Variants in CALN1 observed in about 807,000 individuals in gnomAD.
CALN1 encodes the protein calneuron 1.
In CALN1, 17 loss-of-function variants were observed where a neutral mutation model predicts 30.6. The ratio of observed to expected loss-of-function variants is 0.56; its 90% CI spans 0.38 to 0.83. The LOEUF (loss-of-function observed/expected upper bound fraction) is 0.83, where lower values mean the gene tolerates loss of function less well. Among genes scored for constraint, CALN1 ranks in the 40% least tolerant of loss-of-function variants. The pLI is 0.00. For missense variants in CALN1, 291 were observed against 354.9 expected (o/e 0.82, Z 1.45); for synonymous variants, 156 against 131.4 (o/e 1.19, Z -1.28).
At chr7:72,325,181 C>T (rs1801185055) in intron 2 of CALN1, among the ~76,000 whole-genome samples, 1 of 151,746 alleles carries the variant, frequency 6.6e-6, no homozygotes, top group African/African-American at 2.4e-5. Context: ...AACTTTGGTC[C>T]CAGCTACTCA....
At chr7:72,362,019 G>T (rs1562922135) in intron 2 of CALN1, among the ~76,000 whole-genome samples, 1 of 152,064 alleles carries the variant, frequency 6.6e-6, no homozygotes, top group African/African-American at 2.4e-5. Flanking sequence ...ATAAAAACAG[G>T]AGAGAAAATT....
At chr7:71,799,099 A>G (rs1277479946) in intron 6 of CALN1, among the ~76,000 whole-genome samples, 1 of 152,196 alleles carries the variant, frequency 6.6e-6, no homozygotes, top group Non-Finnish European at 1.5e-5. Context: ...AAATAACTAG[A>G]AGAAGATAAC....
intron 5 of CALN1, among the ~76,000 whole-genome samples, chr7:71,953,371 G>A (rs2129524336): frequency 6.6e-6 from 1 of 152,218 alleles, no homozygotes; most frequent in East Asian, 1.9e-4. Flanking sequence ...TTAAGTAGAT[G>A]CGTATCAACA....
At chr7:71,880,004 C>G (rs973238560) in intron 5 of CALN1, among the ~76,000 whole-genome samples, 4 of 152,116 alleles carry the variant, frequency 2.6e-5, no homozygotes, top group Middle Eastern at 3.2e-3. Context: ...GGCATGGTGG[C>G]TCATGTCTGT....
intron 6 of CALN1, among the ~76,000 whole-genome samples, chr7:71,790,652 C>A (rs1793329069): frequency 6.6e-6 from 1 of 152,258 alleles, no homozygotes; most frequent in African/African-American, 2.4e-5. Context: ...TCCAGAGCAA[C>A]TGGCTGAAAC....
chr7:72,116,874 C>T lies in CALN1; in HGVS notation c.245-10580G>A, dbSNP rs1038642901. 3.9e-5 allele frequency among the ~76,000 whole-genome samples: 6 copies of T among 152,044 alleles called. 1 individual carries two copies. Among genetic ancestry groups the T allele is most frequent in the African/African-American group, 1.2e-4 (5 of 41,376 alleles). On this transcript the variant is annotated intron_variant, in intron 3 of 6. Coordinates refer to ENST00000395275, the MANE Select transcript of CALN1 (RefSeq NM_031468.4). ...TCTCAAGAGGTCCTGAGAAAGTGCCCGAGGTAGTCAAGTTATAGTTTAATT... is the reference window on the plus strand; with the variant it reads ...TCTCAAGAGGTCCTGAGAAAGTGCCTGAGGTAGTCAAGTTATAGTTTAATT...
At chr7:71,994,851 A>ATT (rs564198396) in intron 5 of CALN1, among the ~76,000 whole-genome samples, 164 of 123,144 alleles carry the variant, frequency 1.3e-3, no homozygotes, top group South Asian at 6.6e-3. Context: ...GCCCCTTCCT[A>ATT]TTTTTTTTTT....
intron 5 of CALN1, among the ~76,000 whole-genome samples, chr7:71,923,027 T>TCTATACTATACTATACTATA (rs112246797): frequency 6.7e-6 from 1 of 149,618 alleles, no homozygotes; most frequent in African/African-American, 2.5e-5. Flanking sequence ...ACTATACTAT[T>TCTATACTATACTATACTATA]CTATACTATA....
rs1311916463 is a variant in CALN1, at chr7:71,785,523, G to A, written c.*2252C>T. On this transcript the variant is annotated 3_prime_UTR_variant, in exon 7 of 7. Transcript: ENST00000395275. Reference sequence around the variant, plus strand: ...CTGCAGCATTTCAGTCCCCTCTCATGGAGGAGGGGGCTTTGAAGAATCATC... The same window carrying A: ...CTGCAGCATTTCAGTCCCCTCTCATAGAGGAGGGGGCTTTGAAGAATCATC... 1 of 152,186 alleles carries A rather than the reference G, an allele frequency of 6.6e-6. No individual in the cohort carries two copies. Among genetic ancestry groups the A allele is most frequent in the Non-Finnish European group, 1.5e-5 (1 of 68,032 alleles). 9.4% of individuals were successfully genotyped at this position (152,186 alleles called of 1,614,324 possible). A position where few individuals can be genotyped will look rare whatever the true frequency, so the allele number is the denominator to read the frequency against.
At chr7:72,259,154 A>G (rs996934066) in intron 3 of CALN1, among the ~76,000 whole-genome samples, 1 of 152,008 alleles carries the variant, frequency 6.6e-6, no homozygotes, top group Non-Finnish European at 1.5e-5. Context: ...TAGCTGGAGA[A>G]GCAGTGACTC....
At chr7:72,266,273 T>G (rs1796591135) in intron 3 of CALN1, among the ~76,000 whole-genome samples, 1 of 152,178 alleles carries the variant, frequency 6.6e-6, no homozygotes, top group Non-Finnish European at 1.5e-5. Flanking sequence ...TTTGAAAAAG[T>G]CCACAGAAAT....
chr7:72,278,010 G>GCT (rs1554348531), intron 3 of CALN1, among the ~76,000 whole-genome samples: 1 of 90,432 alleles, frequency 1.1e-5, no homozygotes, highest in Non-Finnish European at 2.0e-5. Flanking sequence ...CTCTATTCCG[G>GCT]GGGGGGGGGA....
chr7:72,421,573 C>CTTTTT (rs772198450), intron 1 of CALN1, among the ~76,000 whole-genome samples: 5 of 58,616 alleles, frequency 8.5e-5, no homozygotes, highest in East Asian at 7.1e-4. Flanking sequence ...TTTTATCCTA[C>CTTTTT]TTTTTTTTTT....
intron 4 of CALN1, among the ~76,000 whole-genome samples, chr7:72,044,548 C>T (rs970010147): frequency 3.3e-5 from 5 of 151,398 alleles, no homozygotes; most frequent in Admixed American, 6.6e-5. Flanking sequence ...CTATCTACTC[C>T]GACGGTTGCA....
chr7:72,076,916 TTTG>T (rs1804785253), intron 4 of CALN1, among the ~76,000 whole-genome samples: 1 of 152,198 alleles, frequency 6.6e-6, no homozygotes, highest in African/African-American at 2.4e-5. Flanking sequence ...ATTTATTTGT[TTTG>T]TTTTTTATTT....
intron 2 of CALN1, among the ~76,000 whole-genome samples, chr7:72,307,935 G>A (rs1381566203): frequency 6.6e-6 from 1 of 152,048 alleles, no homozygotes; most frequent in South Asian, 2.1e-4. Context: ...CCAAGAGGGT[G>A]AGTTCACCAG....
At position 71,925,768 on chromosome 7, in the gene CALN1, T is replaced by C. The variant is rs764743959; in HGVS notation, c.501+97889A>G. 3.3e-5 allele frequency among the ~76,000 whole-genome samples: 5 copies of C among 152,202 alleles called. No individual in the cohort carries two copies. The South Asian group carries it at 1.0e-3, about 32-fold the overall frequency. ...TTCTCCTTTAAAGTCAGCAGGATGT[T>C]GAGCTTTCTCGGTAGAGGGTGCTGA... On this transcript the variant is annotated intron_variant, in intron 5 of 6. Transcript: ENST00000395275.
the CALN1 span, among the ~76,000 whole-genome samples, chr7:72,487,960 AAGGAAGGAAGG>A: frequency 2.7e-5 from 3 of 112,180 alleles, no homozygotes; most frequent in Admixed American, 1.7e-4. Flanking sequence ...GAAGGAAAGG[AAGGAAGGAAGG>A]AAGGAAGGAA....
At chr7:72,154,881 T>A (rs1787543507) in intron 3 of CALN1, among the ~76,000 whole-genome samples, 1 of 147,290 alleles carries the variant, frequency 6.8e-6, no homozygotes, top group Non-Finnish European at 1.5e-5. Flanking sequence ...CATAATGAGA[T>A]CCTGTCTCTA....
Sources: allele counts gnomAD v4.1 joint callset (sites outside exome capture counted in the v4.1 genomes callset), GRCh38; gene constraint gnomAD v4.1.1; transcripts MANE v1.5; gene names NCBI Gene and HGNC (gene_info 2026-07-23, HGNC 2026-07-21).